TPRG1: variants seen among roughly 807,000 people sequenced by gnomAD.
TPRG1 encodes tumor protein p63 regulated 1.
Under a neutral mutation model 29.3 loss-of-function variants are expected in TPRG1, and 29 were observed. The ratio of observed to expected loss-of-function variants is 0.99; its 90% CI spans 0.74 to 1.35. TPRG1 has a LOEUF of 1.35. TPRG1 is among the 40% of genes most tolerant of loss of function. The pLI is 0.00. For synonymous variants in TPRG1, 130 were observed against 116.8 expected (o/e 1.11, Z -0.73); for missense variants, 327 against 335.0 (o/e 0.98, Z 0.19).
intron 5 of TPRG1, among the ~76,000 whole-genome samples, chr3:189,151,966 T>G (rs1725994894): frequency 6.6e-6 from 1 of 152,134 alleles, no homozygotes; most frequent in South Asian, 2.1e-4. Flanking sequence ...GAAATAGTCC[T>G]CTCTGTCTTT....
Position 189,238,759 on chromosome 3 carries a change from AG to A in TPRG1, c.330del (p.Arg111GlufsTer11). The A allele has an allele frequency of 6.2e-7, 1 of 1,613,020 alleles. No homozygotes were observed. The highest frequency in any genetic ancestry group is 1.3e-5 in the African/African-American group (1 of 75,008). ...ATAGACCACTGGAACAATGAGAAGG[AG>A]AGAATTCTACTGGTCACAGACAAGA... ...TKIDHWNNEK[E>X]RILLVTDKTL... On this transcript the variant is annotated frameshift_variant, in exon 4 of 6. Transcript: ENST00000345063. LOFTEE classifies it high-confidence loss of function.
Position 189,082,124 on chromosome 3 carries a change from G to A in TPRG1, c.-462-44933G>A, listed in dbSNP as rs563759103. On this transcript the variant is annotated intron_variant, in intron 4 of 10. Coordinates refer to the TPRG1 transcript ENST00000433971. ...GGAAACTATCAGTGGCTAGTGATAA[G>A]AGAGGGACACACAAGGTGAAAACAT... 8.5e-5 allele frequency among the ~76,000 whole-genome samples: 13 copies of A among 152,326 alleles called. No homozygotes were observed. In the South Asian group the frequency reaches 2.5e-3, roughly 29 times the overall value.
intron 1 of TPRG1, among the ~76,000 whole-genome samples, chr3:189,206,808 C>CGCGTGTGTGT: frequency 6.8e-6 from 1 of 147,730 alleles, no homozygotes; most frequent in East Asian, 2.0e-4. Context: ...GCTGAACAAC[C>CGCGTGTGTGT]GTGTGTGTGT....
chr3:189,290,631 T>C (rs1311877361), intron 4 of TPRG1, among the ~76,000 whole-genome samples: 1 of 152,230 alleles, frequency 6.6e-6, no homozygotes, highest in Admixed American at 6.5e-5. Context: ...AAGGAAAAAG[T>C]CTCTGAATGT....
intron 3 of TPRG1, among the ~76,000 whole-genome samples, chr3:189,217,114 T>TATAAAGATGC (rs1483081957): frequency 6.6e-6 from 1 of 152,202 alleles, no homozygotes; most frequent in African/African-American, 2.4e-5. Context: ...TATTCAGTGA[T>TATAAAGATGC]TATAAAGATG....
In TPRG1 at chr3:189,315,102, T is replaced by C. The variant is rs181234143; in HGVS notation, c.633+4563T>C. 2.7e-3 allele frequency among the ~76,000 whole-genome samples: 413 copies of C among 152,222 alleles called. 2 individuals are homozygous for C. The highest frequency in any genetic ancestry group is 9.5e-3 in the African/African-American group (393 of 41,534). On this transcript the variant is annotated intron_variant, in intron 5 of 5. Coordinates refer to ENST00000345063, the MANE Select transcript of TPRG1 (RefSeq NM_198485.4). The stretch of plus-strand genomic sequence containing the variant: ...TCGAGTCTGCAGTGCAAGTCTGCAG[T>C]GAGCTGTGATTATACCATTGCATTC...
At chr3:189,195,651 A>G (rs908086129) in intron 1 of TPRG1, among the ~76,000 whole-genome samples, 6 of 152,202 alleles carry the variant, frequency 3.9e-5, no homozygotes, top group African/African-American at 1.4e-4. Flanking sequence ...GACTCCAGTC[A>G]GCTCCCACAG....
intron 4 of TPRG1, among the ~76,000 whole-genome samples, chr3:189,150,065 T>G (rs895889221): frequency 4.6e-5 from 7 of 152,240 alleles, no homozygotes; most frequent in African/African-American, 1.7e-4. Context: ...TATCACACTT[T>G]ATAACTAATG....
chr3:189,124,681 G>A (rs1007071523), intron 1 of TPRG1, among the ~76,000 whole-genome samples: 2 of 152,016 alleles, frequency 1.3e-5, no homozygotes, highest in Admixed American at 6.6e-5. Context: ...TATGTATGAG[G>A]AAACTATTTA....
intron 1 of TPRG1, among the ~76,000 whole-genome samples, chr3:189,124,165 C>A (rs948603311): frequency 6.6e-6 from 1 of 151,992 alleles, no homozygotes; most frequent in Admixed American, 6.6e-5. Context: ...TTCCAGTGTG[C>A]CAGAGACAGC....
chr3:189,309,177 A>G (rs2109307208), intron 4 of TPRG1, among the ~76,000 whole-genome samples: 1 of 151,966 alleles, frequency 6.6e-6, no homozygotes, highest in Middle Eastern at 3.4e-3. Flanking sequence ...GGCCAGCAGA[A>G]TGTTTCAGGG....
chr3:189,263,174 G>C (rs1713440455), intron 4 of TPRG1, among the ~76,000 whole-genome samples: 2 of 152,246 alleles, frequency 1.3e-5, no homozygotes, highest in South Asian at 4.1e-4. Context: ...CTGCCTTAGG[G>C]CAAGCCTGCC....
chr3:189,068,695 A>G (rs1560425044), intron 4 of TPRG1, among the ~76,000 whole-genome samples: 1 of 152,106 alleles, frequency 6.6e-6, no homozygotes, highest in Non-Finnish European at 1.5e-5. Flanking sequence ...AGAATCGCTC[A>G]AACCTGGGAG....
intron 5 of TPRG1, among the ~76,000 whole-genome samples, chr3:189,316,724 G>A (rs1481145849): frequency 6.6e-6 from 1 of 152,144 alleles, no homozygotes; most frequent in Non-Finnish European, 1.5e-5. Context: ...CTGTGTAACT[G>A]GAGTTGTTAA....
At chr3:189,184,176 C>T (rs796764037) in intron 1 of TPRG1, among the ~76,000 whole-genome samples, 8 of 152,204 alleles carry the variant, frequency 5.3e-5, no homozygotes, top group African/African-American at 1.7e-4. Flanking sequence ...AGTTACTAAC[C>T]GTGTGACCCT....
chr3:189,268,791 A>G (rs919357581), intron 4 of TPRG1, among the ~76,000 whole-genome samples: 16 of 152,202 alleles, frequency 1.1e-4, no homozygotes, highest in African/African-American at 3.9e-4. Context: ...AAAGGAAGGA[A>G]TCAGTTCTCC....
chr3:189,047,871 G>A (rs1486763991), intron 4 of TPRG1, among the ~76,000 whole-genome samples: 2 of 152,116 alleles, frequency 1.3e-5, no homozygotes, highest in Non-Finnish European at 2.9e-5. Flanking sequence ...TCTCATTCTA[G>A]TTATTTTGTC....
At chr3:189,060,217 A>G (rs1359197460) in intron 4 of TPRG1, among the ~76,000 whole-genome samples, 3 of 152,214 alleles carry the variant, frequency 2.0e-5, no homozygotes, top group Non-Finnish European at 2.9e-5. Context: ...GGGCAACAAG[A>G]GCGAAAATCC....
At chr3:189,220,817 C>T (rs1466379247) in intron 3 of TPRG1, among the ~76,000 whole-genome samples, 2 of 152,264 alleles carry the variant, frequency 1.3e-5, no homozygotes, top group South Asian at 4.1e-4. Flanking sequence ...TGTATATGTA[C>T]CACATTTTCT....
Sources: allele counts gnomAD v4.1 joint callset (sites outside exome capture counted in the v4.1 genomes callset), GRCh38; gene constraint gnomAD v4.1.1; transcripts MANE v1.5; gene names NCBI Gene and HGNC (gene_info 2026-07-23, HGNC 2026-07-21).